GNA12: variants seen among roughly 807,000 people sequenced by gnomAD.
GNA12 encodes guanine nucleotide-binding protein subunit alpha-12.
GNA12 carries 9 observed loss-of-function variants against 26.0 expected under a neutral mutation model. That is an observed-to-expected ratio of 0.35 (90% CI 0.21 to 0.60). The LOEUF is 0.60. GNA12 is among the 20% of genes least tolerant of loss of function. GNA12 has a pLI of 0.78. For missense variants in GNA12, 405 were observed against 525.8 expected, an observed-to-expected ratio of 0.77 and a Z score of 2.25; for synonymous variants, 264 against 219.6, an observed-to-expected ratio of 1.20 and a Z score of -1.79.
chr7:2,844,130 C>A lies in GNA12; in HGVS notation c.32G>T (p.Cys11Phe). The A allele has an allele frequency of 1.0e-6, 1 of 988,030 alleles. No homozygotes were observed. The highest frequency in any genetic ancestry group is 1.2e-6 in the Non-Finnish European group (1 of 833,466). The allele number at this position is 988,030 out of a possible 1,614,324, so 61.2% of individuals were successfully genotyped here. Residue 11 changes from cysteine to phenylalanine, a missense_variant, in exon 1 of 4, where the codon TGC becomes TTC. Transcript: ENST00000275364. Reference sequence around the variant, plus strand: ...CCCGCCGGCCTCGGCCGGCAGCAGGCAGCGGCTGAGGGTCCGCACCACCCC... The same window carrying A: ...CCCGCCGGCCTCGGCCGGCAGCAGGAAGCGGCTGAGGGTCCGCACCACCCC... MSGVVRTLSR[C>F]LLPAEAGGAR...
intron 2 of GNA12, among the ~76,000 whole-genome samples, chr7:2,736,312 C>T (rs1008021215): frequency 3.3e-5 from 5 of 152,072 alleles, no homozygotes; most frequent in African/African-American, 7.2e-5. Flanking sequence ...AGTGGGCTCT[C>T]GGGACTCTCC....
At chr7:2,754,785 T>A (rs1293524577) in intron 2 of GNA12, among the ~76,000 whole-genome samples, 1 of 152,094 alleles carries the variant, frequency 6.6e-6, no homozygotes, top group Non-Finnish European at 1.5e-5. Flanking sequence ...ATTTCAAATT[T>A]TGATGAAACA....
chr7:2,793,472 G>T (rs1792572376), intron 2 of GNA12, among the ~76,000 whole-genome samples: 1 of 152,140 alleles, frequency 6.6e-6, no homozygotes, highest in African/African-American at 2.4e-5. Context: ...TAACATTAGG[G>T]GGACTTGGGA....
At chr7:2,843,076 C>T (rs1375586806) in intron 1 of GNA12, among the ~76,000 whole-genome samples, 1 of 152,194 alleles carries the variant, frequency 6.6e-6, no homozygotes, top group Non-Finnish European at 1.5e-5. Context: ...GGCTTGAGAC[C>T]AGCCTGGGCA....
intron 1 of GNA12, among the ~76,000 whole-genome samples, chr7:2,818,245 C>CA (rs1303126408): frequency 6.6e-6 from 1 of 152,184 alleles, no homozygotes; most frequent in African/African-American, 2.4e-5. Context: ...TCAGTACTGA[C>CA]ATCTGGGGGC....
intron 1 of GNA12, among the ~76,000 whole-genome samples, chr7:2,827,923 A>T (rs1440466193): frequency 7.2e-5 from 11 of 151,902 alleles, no homozygotes; most frequent in Admixed American, 3.9e-4. Flanking sequence ...TTTATTTAAA[A>T]TTTTTTTTAA....
intron 1 of GNA12, among the ~76,000 whole-genome samples, chr7:2,839,563 T>C (rs1428313303): frequency 1.3e-5 from 2 of 152,180 alleles, no homozygotes; most frequent in Non-Finnish European, 2.9e-5. Flanking sequence ...TTTGTATTTT[T>C]TGTAGAGATG....
rs993402770 is a variant in GNA12 at position 2,758,808 on chromosome 7, A to G, written c.526-25307T>C. ...CAGTTTACTCATCTAATAGAACACC[A>G]CAGAAGAATGGATATGAGAGGGTTA... On this transcript the variant is annotated intron_variant, in intron 2 of 3. Transcript: ENST00000275364. 6.6e-5 allele frequency among the ~76,000 whole-genome samples: 10 copies of G among 152,294 alleles called. No homozygotes were observed. In the East Asian group the frequency reaches 1.7e-3, roughly 26 times the overall value.
chr7:2,757,121 A>AG (rs1432195349), intron 2 of GNA12, among the ~76,000 whole-genome samples: 4 of 134,704 alleles, frequency 3.0e-5, no homozygotes, highest in Non-Finnish European at 6.4e-5. Context: ...CGATCTAATC[A>AG]GGTGGGCCTT....
intron 1 of GNA12, among the ~76,000 whole-genome samples, chr7:2,839,366 T>A (rs2114981805): frequency 6.6e-6 from 1 of 152,228 alleles, no homozygotes; most frequent in East Asian, 1.9e-4. Flanking sequence ...CAGGTTCAAG[T>A]GTGCACCACC....
At chr7:2,787,410 AGCTGTC>A (rs1370116063) in intron 2 of GNA12, among the ~76,000 whole-genome samples, 3 of 152,084 alleles carry the variant, frequency 2.0e-5, no homozygotes, top group African/African-American at 7.2e-5. Context: ...AGGCACCACG[AGCTGTC>A]GCCTGTCACC....
At chr7:2,762,958 G>A in intron 2 of GNA12, 21 of 1,363,514 alleles carry the variant, frequency 1.5e-5, no homozygotes, top group South Asian at 5.5e-5. Flanking sequence ...CCCGTGCCAG[G>A]GTCTCCTGCT....
At chr7:2,748,516 G>T (rs1234173383) in intron 2 of GNA12, among the ~76,000 whole-genome samples, 3 of 151,934 alleles carry the variant, frequency 2.0e-5, no homozygotes, top group Non-Finnish European at 2.9e-5. Flanking sequence ...AATTCAAGAT[G>T]GATTAAAGAC....
chr7:2,840,108 G>A (rs10256492), intron 1 of GNA12, among the ~76,000 whole-genome samples: 7 of 152,188 alleles, frequency 4.6e-5, no homozygotes, highest in Admixed American at 4.6e-4. Context: ...GCTCTGTATC[G>A]TGACTGTATC....
chr7:2,832,927 C>G (rs1399219355), intron 1 of GNA12, among the ~76,000 whole-genome samples: 2 of 152,132 alleles, frequency 1.3e-5, no homozygotes, highest in African/African-American at 4.8e-5. Flanking sequence ...TGCATTTGGT[C>G]AACAGAATCA....
At chr7:2,789,377 C>T (rs957188425) in intron 2 of GNA12, among the ~76,000 whole-genome samples, 2 of 150,944 alleles carry the variant, frequency 1.3e-5, no homozygotes, top group Admixed American at 6.6e-5. Context: ...CCTCGTGATC[C>T]GCCCGCCTCG....
chr7:2,832,073 C>T (rs918474696), intron 1 of GNA12, among the ~76,000 whole-genome samples: 4 of 152,164 alleles, frequency 2.6e-5, no homozygotes, highest in African/African-American at 9.7e-5. Context: ...TGTTTTGTCA[C>T]AAATTTCTCC....
At chr7:2,802,401 TG>T (rs1792833333) in intron 1 of GNA12, among the ~76,000 whole-genome samples, 1 of 64,910 alleles carries the variant, frequency 1.5e-5, no homozygotes, top group Admixed American at 2.7e-4. Context: ...TTTGGGGGGG[TG>T]GGGGGTGGGG....
chr7:2,801,053 G>A (rs768780049), intron 1 of GNA12, among the ~76,000 whole-genome samples: 9 of 152,138 alleles, frequency 5.9e-5, no homozygotes, highest in Non-Finnish European at 1.0e-4. Context: ...AAAGGGTCTC[G>A]GTGCCTTTGT....
Sources: allele counts gnomAD v4.1 joint callset (sites outside exome capture counted in the v4.1 genomes callset), GRCh38; gene constraint gnomAD v4.1.1; transcripts MANE v1.5; gene names NCBI Gene and HGNC (gene_info 2026-07-23, HGNC 2026-07-21).